KCTD16: variants seen among roughly 807,000 people sequenced by gnomAD.
The protein encoded by KCTD16 is BTB/POZ domain-containing protein KCTD16.
Under a neutral mutation model 33.2 loss-of-function variants are expected in KCTD16, and 13 were observed. The observed-to-expected ratio is 0.39, with a 90% CI of 0.25 to 0.62. The LOEUF (loss-of-function observed/expected upper bound fraction) is 0.62. Among genes scored for constraint, KCTD16 ranks in the 20% least tolerant of loss-of-function variants. KCTD16 has a pLI of 0.50. For missense variants in KCTD16, 441 were observed against 525.1 expected (o/e 0.84, Z 1.57); for synonymous variants, 197 against 195.3 (o/e 1.01, Z -0.07).
At chr5:144,267,950 A>G (rs140663906) in intron 3 of KCTD16, among the ~76,000 whole-genome samples, 126 of 152,318 alleles carry the variant, frequency 8.3e-4, no homozygotes, top group Middle Eastern at 3.4e-3. Context: ...TCAATGGAGT[A>G]GTAAGCACCA....
At chr5:144,403,640 C>T (rs1159245866) in intron 3 of KCTD16, among the ~76,000 whole-genome samples, 3 of 152,166 alleles carry the variant, frequency 2.0e-5, no homozygotes, top group African/African-American at 7.2e-5. Context: ...TGTCTTAAGC[C>T]ACCAGTTTAT....
rs114050671 is a variant in KCTD16 at position 144,307,503 on chromosome 5, G to T, written c.832+99957G>T. ...CACTATGTGCCAAGCTGTATGCCAAGTGCTTAACATACATTATTTCATTTA... is the reference window on the plus strand; with the variant it reads ...CACTATGTGCCAAGCTGTATGCCAATTGCTTAACATACATTATTTCATTTA... On this transcript the variant is annotated intron_variant, in intron 3 of 3. Coordinates refer to ENST00000512467, the MANE Select transcript of KCTD16 (RefSeq NM_020768.4). Among the ~76,000 whole-genome samples the T allele has an allele frequency of 3.2e-3, 489 of 152,230 alleles. 5 individuals are homozygous for T. The highest frequency in any genetic ancestry group is 0.012 in the African/African-American group (479 of 41,546).
chr5:144,363,961 G>A lies in KCTD16; in HGVS notation c.833-109699G>A, dbSNP rs79974177. Among the ~76,000 whole-genome samples the A allele has an allele frequency of 2.4e-3, 370 of 152,206 alleles. 1 individual carries two copies. The highest frequency in any genetic ancestry group is 8.2e-3 in the African/African-American group (339 of 41,524). ...AGGTTGATGGGCTTTATTTAGTTTGGTGGTGACATATTTATTTTATTCAAT... is the reference window on the plus strand; with the variant it reads ...AGGTTGATGGGCTTTATTTAGTTTGATGGTGACATATTTATTTTATTCAAT... On this transcript the variant is annotated intron_variant, in intron 3 of 3. Transcript: ENST00000512467.
chr5:144,198,240 C>T (rs879757771), intron 2 of KCTD16, among the ~76,000 whole-genome samples: 4 of 152,164 alleles, frequency 2.6e-5, no homozygotes, highest in Admixed American at 6.5e-5. Flanking sequence ...CTGAGGATTT[C>T]GCTCTTGGTT....
chr5:144,405,727 T>G (rs1373751332), intron 3 of KCTD16, among the ~76,000 whole-genome samples: 1 of 152,152 alleles, frequency 6.6e-6, no homozygotes, highest in Admixed American at 6.5e-5. Flanking sequence ...GATGCTGGTT[T>G]GGTTGGGCTT....
chr5:144,320,372 G>A lies in KCTD16; in HGVS notation c.832+112826G>A, dbSNP rs141659108. On this transcript the variant is annotated intron_variant, in intron 3 of 3. Coordinates refer to ENST00000512467, the MANE Select transcript of KCTD16 (RefSeq NM_020768.4). ...GCCTAAGCCTGCCCTCTGTGACTGC[G>A]GAATTACTTGGCAAAGAAAGAAAAG... Among the ~76,000 whole-genome samples the A allele has an allele frequency of 2.7e-4, 41 of 152,134 alleles. No homozygotes were observed. In the East Asian group the frequency reaches 2.9e-3, roughly 11 times the overall value.
At chr5:144,236,844 C>A (rs142999939) in intron 3 of KCTD16, among the ~76,000 whole-genome samples, 1 of 151,966 alleles carries the variant, frequency 6.6e-6, no homozygotes, top group African/African-American at 2.4e-5. Context: ...GCCTTAGTTT[C>A]GTTATTTGTA....
chr5:144,325,617 T>C (rs1240314011), intron 3 of KCTD16, among the ~76,000 whole-genome samples: 1 of 152,146 alleles, frequency 6.6e-6, no homozygotes, highest in East Asian at 1.9e-4. Flanking sequence ...TATTCTCCTT[T>C]CGGCCTAGCT....
intron 3 of KCTD16, among the ~76,000 whole-genome samples, chr5:144,463,337 G>T (rs1227808476): frequency 1.3e-5 from 2 of 152,140 alleles, no homozygotes; most frequent in Non-Finnish European, 2.9e-5. Context: ...GCCTTTTATT[G>T]TTAAGTGTTT....
At chr5:144,427,254 G>T (rs933820230) in intron 3 of KCTD16, among the ~76,000 whole-genome samples, 5 of 151,976 alleles carry the variant, frequency 3.3e-5, no homozygotes, top group African/African-American at 1.2e-4. Context: ...AATTAAGCGG[G>T]GGGAGGGGGG....
intron 3 of KCTD16, among the ~76,000 whole-genome samples, chr5:144,446,059 A>G (rs548647946): frequency 6.6e-6 from 1 of 151,812 alleles, no homozygotes; most frequent in African/African-American, 2.4e-5. Flanking sequence ...ATTATCATGT[A>G]GGTCTTGTGA....
intron 2 of KCTD16, among the ~76,000 whole-genome samples, chr5:144,177,882 T>G (rs1472284659): frequency 1.3e-5 from 2 of 152,244 alleles, no homozygotes; most frequent in Non-Finnish European, 2.9e-5. Flanking sequence ...CTAAGTCTTT[T>G]GCTACACACA....
At chr5:144,350,676 C>T (rs1391350628) in intron 3 of KCTD16, among the ~76,000 whole-genome samples, 1 of 151,942 alleles carries the variant, frequency 6.6e-6, no homozygotes, top group African/African-American at 2.4e-5. Flanking sequence ...CTGTGCATGT[C>T]CAGAAAAGAA....
In KCTD16 at chr5:144,484,277, C is replaced by G. The variant is rs180718463; in HGVS notation, c.*10163C>G. 1 of 151,788 alleles carries G rather than the reference C, an allele frequency of 6.6e-6. No homozygotes were observed. Among genetic ancestry groups the G allele is most frequent in the Non-Finnish European group, 1.5e-5 (1 of 67,854 alleles). The allele number at this position is 151,788 out of a possible 1,614,324, so 9.4% of individuals were successfully genotyped here. On this transcript the variant is annotated 3_prime_UTR_variant, in exon 4 of 4. Coordinates refer to ENST00000512467, the MANE Select transcript of KCTD16 (RefSeq NM_020768.4). The stretch of plus-strand genomic sequence containing the variant: ...AAGACACACAGAAACACAAACTTAG[C>G]GGAGCTGCACTTCAGAGAGTCCCAC...
At chr5:144,385,015 T>C (rs972345196) in intron 3 of KCTD16, among the ~76,000 whole-genome samples, 3 of 152,202 alleles carry the variant, frequency 2.0e-5, no homozygotes, top group African/African-American at 7.2e-5. Flanking sequence ...GACATTCAAA[T>C]AAGTGGGACA....
At chr5:144,331,797 G>A (rs1376149426) in intron 3 of KCTD16, among the ~76,000 whole-genome samples, 2 of 152,204 alleles carry the variant, frequency 1.3e-5, no homozygotes, top group East Asian at 1.9e-4. Flanking sequence ...TGCACTGAAT[G>A]TGATTATCTA....
chr5:144,218,260 A>C (rs765492166), intron 3 of KCTD16, among the ~76,000 whole-genome samples: 3 of 152,164 alleles, frequency 2.0e-5, no homozygotes, highest in Non-Finnish European at 4.4e-5. Flanking sequence ...GGAAGTGTAA[A>C]CTGATATGAA....
intron 3 of KCTD16, among the ~76,000 whole-genome samples, chr5:144,277,400 G>C (rs13357122): frequency 0.23 from 35,477 of 152,086 alleles, 4,382 homozygotes; most frequent in Non-Finnish European, 0.28. Flanking sequence ...CTCTTGTAGG[G>C]TGCACACTAA....
intron 3 of KCTD16, among the ~76,000 whole-genome samples, chr5:144,420,562 G>A (rs1753187229): frequency 6.6e-6 from 1 of 151,952 alleles, no homozygotes; most frequent in African/African-American, 2.4e-5. Flanking sequence ...CTCTTCAGAG[G>A]CCATGGTTAT....
Sources: gnomAD v4.1 joint callset for allele counts (sites outside exome capture counted in the v4.1 genomes callset) on GRCh38, gnomAD v4.1.1 for gene constraint, MANE v1.5 for transcripts, NCBI Gene and HGNC (gene_info 2026-07-23, HGNC 2026-07-21) for gene names.